RELN: variants seen among roughly 807,000 people sequenced by gnomAD.
RELN encodes the protein reelin.
A neutral mutation model predicts 427.6 loss-of-function variants in RELN; 108 were observed. That is an observed-to-expected ratio of 0.25 (90% CI 0.22 to 0.30). The LOEUF is 0.30. RELN is among the 10% of genes least tolerant of loss of function. The probability of loss-of-function intolerance (pLI) is 1.00; values close to 1 mark genes in which losing one functional copy is unlikely to be tolerated. For missense variants in RELN, 3,715 were observed against 4,302.8 expected, an observed-to-expected ratio of 0.86 and a Z score of 3.82; for synonymous variants, 1,524 against 1,513.4, an observed-to-expected ratio of 1.01 and a Z score of -0.16.
intron 2 of RELN, among the ~76,000 whole-genome samples, chr7:103,906,581 T>C (rs1795210794): frequency 6.6e-6 from 1 of 152,160 alleles, no homozygotes; most frequent in Non-Finnish European, 1.5e-5. Context: ...TCTGAGCCGT[T>C]ATAGAGCATG....
chr7:103,832,497 G>A (rs1793298353), intron 3 of RELN, among the ~76,000 whole-genome samples: 1 of 152,136 alleles, frequency 6.6e-6, no homozygotes, highest in Non-Finnish European at 1.5e-5. Context: ...TGACAAATGA[G>A]AAACAATGTT....
intron 1 of RELN, among the ~76,000 whole-genome samples, chr7:103,935,783 G>A (rs910520567): frequency 6.6e-6 from 1 of 152,146 alleles, no homozygotes; most frequent in Non-Finnish European, 1.5e-5. Flanking sequence ...CTGTTCTGGA[G>A]TTCAGAGACA....
chr7:103,628,085 G>A (rs1832367690), intron 20 of RELN: 2 of 152,140 alleles, frequency 1.3e-5, no homozygotes, highest in Admixed American at 1.3e-4. Flanking sequence ...CAAACTTGAA[G>A]GATATAGTTT....
intron 1 of RELN, among the ~76,000 whole-genome samples, chr7:103,948,199 A>G (rs1796258004): frequency 6.6e-6 from 1 of 152,220 alleles, no homozygotes; most frequent in Non-Finnish European, 1.5e-5. Flanking sequence ...TAAACATTTA[A>G]TACCTACTTG....
At chr7:103,716,417 C>T (rs562605459) in intron 8 of RELN, among the ~76,000 whole-genome samples, 1 of 152,178 alleles carries the variant, frequency 6.6e-6, no homozygotes, top group South Asian at 2.1e-4. Context: ...GGAACGTAAG[C>T]ACATTATGAT....
At chr7:103,759,900 G>A (rs1415271111) in intron 4 of RELN, among the ~76,000 whole-genome samples, 4 of 147,604 alleles carry the variant, frequency 2.7e-5, no homozygotes, top group South Asian at 2.2e-4. Flanking sequence ...AGAAATGAAA[G>A]TTAGAACATT....
chr7:103,837,569 C>T (rs1477919963), intron 2 of RELN, among the ~76,000 whole-genome samples: 2 of 152,216 alleles, frequency 1.3e-5, no homozygotes, highest in Non-Finnish European at 2.9e-5. Flanking sequence ...AATGTAGTCT[C>T]TGTCTAACAC....
At chr7:103,980,333 G>A (rs1429363158) in intron 1 of RELN, among the ~76,000 whole-genome samples, 2 of 151,972 alleles carry the variant, frequency 1.3e-5, no homozygotes, top group Non-Finnish European at 2.9e-5. Flanking sequence ...CTTTACCTGG[G>A]AGACAATGTC....
intron 64 of RELN, among the ~76,000 whole-genome samples, chr7:103,476,919 A>G (rs1404393599): frequency 6.6e-6 from 1 of 152,240 alleles, no homozygotes; most frequent in African/African-American, 2.4e-5. Flanking sequence ...TGCAATTACC[A>G]GAGAAAGTAA....
intron 2 of RELN, among the ~76,000 whole-genome samples, chr7:103,895,434 A>T (rs1399686350): frequency 1.3e-5 from 2 of 152,130 alleles, no homozygotes; most frequent in Non-Finnish European, 2.9e-5. Flanking sequence ...GGTTTCTGGC[A>T]TGTGGCTCTG....
intron 8 of RELN, among the ~76,000 whole-genome samples, chr7:103,707,291 TAAA>T (rs992984783): frequency 6.6e-6 from 1 of 150,812 alleles, no homozygotes; most frequent in African/African-American, 2.4e-5. Flanking sequence ...TGTATTTGCT[TAAA>T]AAAAAAGAAA....
chr7:103,721,415 C>T (rs965263106), intron 8 of RELN, among the ~76,000 whole-genome samples: 10 of 152,084 alleles, frequency 6.6e-5, no homozygotes, highest in Admixed American at 4.6e-4. Flanking sequence ...TGTCTAGTCC[C>T]GAGACCTTGG....
intron 2 of RELN, among the ~76,000 whole-genome samples, chr7:103,866,795 G>C (rs1377681336): frequency 6.6e-6 from 1 of 151,984 alleles, no homozygotes; most frequent in Non-Finnish European, 1.5e-5. Context: ...ATAGGTAGAA[G>C]TTCTAATATT....
At chr7:103,788,686 G>C (rs1338386679) in intron 3 of RELN, among the ~76,000 whole-genome samples, 1 of 152,176 alleles carries the variant, frequency 6.6e-6, no homozygotes, top group Non-Finnish European at 1.5e-5. Context: ...GGAAATAAGA[G>C]AGGACACAAA....
chr7:103,592,642 C>G (rs1310652077), intron 27 of RELN, among the ~76,000 whole-genome samples: 1 of 152,110 alleles, frequency 6.6e-6, no homozygotes, highest in Non-Finnish European at 1.5e-5. Flanking sequence ...ATATTTAACA[C>G]TATTTTTTAA....
intron 1 of RELN, among the ~76,000 whole-genome samples, chr7:103,951,422 A>T (rs1327355472): frequency 6.6e-6 from 1 of 152,194 alleles, no homozygotes; most frequent in Non-Finnish European, 1.5e-5. Flanking sequence ...TGGAATGACT[A>T]CTTTGGATAT....
chr7:103,672,648 T>A (rs1436448906), intron 11 of RELN, among the ~76,000 whole-genome samples: 1 of 151,888 alleles, frequency 6.6e-6, no homozygotes, highest in Non-Finnish European at 1.5e-5. Flanking sequence ...TAATTAATAT[T>A]TTTTTTCCCA....
chr7:103,654,896 C>T (rs1367761394), intron 12 of RELN, among the ~76,000 whole-genome samples: 4 of 152,004 alleles, frequency 2.6e-5, no homozygotes, highest in East Asian at 1.9e-4. Context: ...GATCATGTAA[C>T]TAACTAGTGG....
intron 16 of RELN, among the ~76,000 whole-genome samples, chr7:103,646,914 T>C (rs991822643): frequency 4.6e-5 from 7 of 151,874 alleles, no homozygotes; most frequent in Non-Finnish European, 8.8e-5. Flanking sequence ...CTAAACAACA[T>C]GATCAAGTGG....
Sources: gnomAD v4.1 joint callset for allele counts (sites outside exome capture counted in the v4.1 genomes callset) on GRCh38, gnomAD v4.1.1 for gene constraint, MANE v1.5 for transcripts, NCBI Gene and HGNC (gene_info 2026-07-23, HGNC 2026-07-21) for gene names.